KALRN: variants seen among roughly 807,000 people sequenced by gnomAD.
The protein encoded by KALRN is kalirin RhoGEF kinase, also known as kalirin.
In KALRN, 70 loss-of-function variants were observed where a neutral mutation model predicts 353.7. That is an observed-to-expected ratio of 0.20 (90% confidence interval 0.16 to 0.24). The LOEUF is 0.24. KALRN is among the 10% of genes least tolerant of loss of function. The probability of loss-of-function intolerance (pLI) is 1.00; values close to 1 mark genes in which losing one functional copy is unlikely to be tolerated. For synonymous variants in KALRN, 1,391 were observed against 1,434.8 expected, an observed-to-expected ratio of 0.97 and a Z score of 0.69; for missense variants, 2,791 against 3,756.7, an observed-to-expected ratio of 0.74 and a Z score of 6.72.
At chr3:124,046,983 CTTT>C (rs201245508) in intron 1 of KALRN, among the ~76,000 whole-genome samples, 2 of 116,890 alleles carry the variant, frequency 1.7e-5, no homozygotes, top group African/African-American at 3.1e-5. Flanking sequence ...GGAAATGTAT[CTTT>C]TTTTTTTTTT....
At chr3:124,458,767 A>G (rs974201801) in intron 23 of KALRN, among the ~76,000 whole-genome samples, 2 of 142,074 alleles carry the variant, frequency 1.4e-5, no homozygotes, top group Non-Finnish European at 3.0e-5. Flanking sequence ...TGTCTTTGCT[A>G]AAAAAAAAAT....
chr3:124,478,272 TATGC>T (rs1199440998), intron 27 of KALRN, among the ~76,000 whole-genome samples: 1 of 152,232 alleles, frequency 6.6e-6, no homozygotes, highest in Non-Finnish European at 1.5e-5. Flanking sequence ...TATCTGTCTA[TATGC>T]CTACCTGTTT....
chr3:124,237,735 A>G (rs111801190), intron 3 of KALRN, among the ~76,000 whole-genome samples: 5 of 152,172 alleles, frequency 3.3e-5, no homozygotes, highest in African/African-American at 9.7e-5. Flanking sequence ...TCTCTATGCC[A>G]GGTAGATTGA....
chr3:124,137,060 AG>A (rs5852391), intron 1 of KALRN, among the ~76,000 whole-genome samples: 41,924 of 151,824 alleles, frequency 0.28, 6,366 homozygotes, highest in East Asian at 0.46. Context: ...TGTTTGGGAG[AG>A]GAGGAAGAGG....
At chr3:124,583,888 GGTGGCTCACAT>G (rs2074858047) in intron 34 of KALRN, among the ~76,000 whole-genome samples, 1 of 152,082 alleles carries the variant, frequency 6.6e-6, no homozygotes, top group Non-Finnish European at 1.5e-5. Context: ...GGCTGTATGT[GGTGGCTCACAT>G]CTCTAATCCT....
chr3:124,424,244 C>T (rs1576811131), intron 15 of KALRN, among the ~76,000 whole-genome samples: 1 of 150,700 alleles, frequency 6.6e-6, no homozygotes, highest in South Asian at 2.1e-4. Flanking sequence ...AGCAAAAAAC[C>T]ATCTTTCTTT....
chr3:124,477,094 G>T, intron 26 of KALRN, 151 bp from the exon 27 acceptor site: 1 of 511,524 alleles, frequency 2.0e-6, no homozygotes. Context: ...GGACCATGGG[G>T]GCTGGATGAG....
intron 6 of KALRN, among the ~76,000 whole-genome samples, chr3:124,318,317 C>T (rs991237008): frequency 2.0e-5 from 3 of 152,172 alleles, no homozygotes; most frequent in Non-Finnish European, 4.4e-5. Flanking sequence ...CATTTGGCCC[C>T]CCAGAGGGCA....
intron 49 of KALRN, among the ~76,000 whole-genome samples, chr3:124,677,116 C>T (rs1285466388): frequency 3.3e-5 from 5 of 152,170 alleles, no homozygotes; most frequent in Non-Finnish European, 5.9e-5. Context: ...CCTAAATCTC[C>T]TCTGCCTCTC....
intron 1 of KALRN, among the ~76,000 whole-genome samples, chr3:124,111,883 A>G (rs1163986409): frequency 6.6e-6 from 1 of 152,240 alleles, no homozygotes; most frequent in African/African-American, 2.4e-5. Flanking sequence ...AATTACTTCT[A>G]TAAATGCATA....
At chr3:124,364,722 C>T (rs1479486368) in intron 10 of KALRN, among the ~76,000 whole-genome samples, 1 of 152,170 alleles carries the variant, frequency 6.6e-6, no homozygotes, top group Non-Finnish European at 1.5e-5. Flanking sequence ...TCTTTCTCTC[C>T]TCTGACTCCC....
At chr3:124,340,776 A>G (rs1002942484) in intron 9 of KALRN, among the ~76,000 whole-genome samples, 1 of 152,104 alleles carries the variant, frequency 6.6e-6, no homozygotes, top group Non-Finnish European at 1.5e-5. Flanking sequence ...CCAACATGGC[A>G]AAACCCCGTC....
At chr3:124,690,859 G>C (rs2061776555) in intron 51 of KALRN, among the ~76,000 whole-genome samples, 1 of 152,148 alleles carries the variant, frequency 6.6e-6, no homozygotes, top group Non-Finnish European at 1.5e-5. Flanking sequence ...CCAAACAAAA[G>C]CAAATATTCC....
At chr3:124,666,712 G>A in intron 46 of KALRN, 78 bp downstream of exon 46, 1 of 1,213,744 alleles carries the variant, frequency 8.2e-7, no homozygotes, top group South Asian at 1.3e-5. Context: ...ACGAGGCCCT[G>A]GAGTTGTGAC....
At chr3:124,049,788 G>T (rs2149137026) in intron 1 of KALRN, among the ~76,000 whole-genome samples, 1 of 152,278 alleles carries the variant, frequency 6.6e-6, no homozygotes, top group Non-Finnish European at 1.5e-5. Context: ...TTTTCTTTCT[G>T]GTGGGTAATA....
At chr3:124,214,234 T>TC (rs2077128187) in intron 1 of KALRN, among the ~76,000 whole-genome samples, 1 of 152,142 alleles carries the variant, frequency 6.6e-6, no homozygotes, top group Admixed American at 6.5e-5. Context: ...ATAATCTTTT[T>TC]CACACTTAAC....
intron 25 of KALRN, among the ~76,000 whole-genome samples, chr3:124,464,873 A>C (rs2060176415): frequency 6.6e-6 from 1 of 151,754 alleles, no homozygotes; most frequent in South Asian, 2.1e-4. Flanking sequence ...AAAAAAAAAA[A>C]AAACCTCATA....
At chr3:124,584,189 G>T (rs1029447066) in intron 34 of KALRN, among the ~76,000 whole-genome samples, 11 of 152,208 alleles carry the variant, frequency 7.2e-5, no homozygotes, top group Non-Finnish European at 1.6e-4. Context: ...GTGTTTTCAC[G>T]TCATTACAGT....
rs537523144 is a variant in KALRN at position 124,300,550 on chromosome 3, G to C, written c.1092+1637G>C. ...TGCTGGCTCTGAAACTTTCCAACTA[G>C]AAGTGATACATTTGCTCACATTCCG... On this transcript the variant is annotated intron_variant, in intron 6 of 59. Coordinates refer to ENST00000682506, the MANE Select transcript of KALRN (RefSeq NM_001388419.1). Among the ~76,000 whole-genome samples, 4 of 152,318 alleles carry C rather than the reference G, an allele frequency of 2.6e-5. No homozygotes were observed. In the South Asian group the frequency reaches 6.2e-4, roughly 24 times the overall value.
Sources: gnomAD v4.1 joint callset for allele counts (sites outside exome capture counted in the v4.1 genomes callset) on GRCh38, gnomAD v4.1.1 for gene constraint, MANE v1.5 for transcripts, NCBI Gene and HGNC (gene_info 2026-07-23, HGNC 2026-07-21) for gene names.